The following TNR variants were observed in gnomAD, a reference collection of about 807,000 sequenced individuals.
The protein encoded by TNR is tenascin-R.
A neutral mutation model predicts 150.4 loss-of-function variants in TNR; 45 were observed. The ratio of observed to expected loss-of-function variants is 0.30; its 90% CI spans 0.24 to 0.38. The LOEUF is 0.38. TNR is among the 10% of genes least tolerant of loss of function. The probability of loss-of-function intolerance (pLI) is 1.00; values close to 1 mark genes in which losing one functional copy is unlikely to be tolerated. For synonymous variants in TNR, 687 were observed against 678.4 expected (o/e 1.01, Z -0.20); for missense variants, 1,544 against 1,759.1 (o/e 0.88, Z 2.19).
intron 2 of TNR, among the ~76,000 whole-genome samples, chr1:175,417,987 C>T (rs111294030): frequency 6.6e-6 from 1 of 152,122 alleles, no homozygotes; most frequent in African/African-American, 2.4e-5. Context: ...TCTTTTAGAG[C>T]ATTAAATAGC....
intron 1 of TNR, among the ~76,000 whole-genome samples, chr1:175,543,644 T>C (rs1171389190): frequency 6.6e-6 from 1 of 152,160 alleles, no homozygotes; most frequent in Non-Finnish European, 1.5e-5. Flanking sequence ...ATTTCAAAGA[T>C]GATAATGACT....
chr1:175,333,219 T>C (rs1488428645), intron 20 of TNR: 1 of 152,250 alleles, frequency 6.6e-6, no homozygotes, highest in Non-Finnish European at 1.5e-5. Context: ...ACATGATAAC[T>C]AGCTTTCTAT....
rs541389401 is a variant in TNR, at chr1:175,470,580, A to G, written c.-64+57689T>C. On this transcript the variant is annotated intron_variant, in intron 2 of 22. Coordinates refer to ENST00000367674, the MANE Select transcript of TNR (RefSeq NM_003285.3). ...GCACATGAAATATTTTGACACAGGCATGCAATGTGAAATAAGTTAATCATG... is the reference window on the plus strand; with the variant it reads ...GCACATGAAATATTTTGACACAGGCGTGCAATGTGAAATAAGTTAATCATG... 5.3e-5 allele frequency among the ~76,000 whole-genome samples: 8 copies of G among 152,338 alleles called. 1 individual carries two copies. Among genetic ancestry groups the G allele is most frequent in the African/African-American group, 1.9e-4 (8 of 41,566 alleles).
Position 175,540,648 on chromosome 1 carries a change from T to C in TNR, c.-164-12279A>G, listed in dbSNP as rs190618243. 5.0e-3 allele frequency among the ~76,000 whole-genome samples: 761 copies of C among 152,150 alleles called. 4 individuals are homozygous for C. Among genetic ancestry groups the C allele is most frequent in the African/African-American group, 0.017 (711 of 41,496 alleles). ...AGACACTTGACTTTGGCACTTTTTT[T>C]CCTTTACCATCCTTTCTGCCCCACC... On this transcript the variant is annotated intron_variant, in intron 1 of 22. Coordinates refer to ENST00000367674, the MANE Select transcript of TNR (RefSeq NM_003285.3).
Position 175,482,298 on chromosome 1 carries a change from T to C in TNR, c.-64+45971A>G, listed in dbSNP as rs1166875811. Among the ~76,000 whole-genome samples the C allele has an allele frequency of 2.6e-5, 4 of 152,168 alleles. No individual in the cohort carries two copies. The East Asian group carries it at 7.7e-4, about 29-fold the overall frequency. ...TTTATGTCACATGGATACAGGAAAGTGAAAAAAATGAAAACAGCTCTTCCC... is the reference window on the plus strand; with the variant it reads ...TTTATGTCACATGGATACAGGAAAGCGAAAAAAATGAAAACAGCTCTTCCC... On this transcript the variant is annotated intron_variant, in intron 2 of 22. Coordinates refer to ENST00000367674, the MANE Select transcript of TNR (RefSeq NM_003285.3).
intron 1 of TNR, among the ~76,000 whole-genome samples, chr1:175,542,349 G>A (rs1660535512): frequency 6.6e-6 from 1 of 152,124 alleles, no homozygotes; most frequent in Non-Finnish European, 1.5e-5. Flanking sequence ...ATGCTTGGAG[G>A]CATTTAGCCC....
Position 175,444,037 on chromosome 1 carries a change from G to C in TNR, c.-63-37260C>G, listed in dbSNP as rs185181741. 3.2e-3 allele frequency among the ~76,000 whole-genome samples: 494 copies of C among 152,244 alleles called. 1 individual carries two copies. Among genetic ancestry groups the C allele is most frequent in the Middle Eastern group, 0.01 (3 of 294 alleles). On this transcript the variant is annotated intron_variant, in intron 2 of 22. Coordinates refer to ENST00000367674, the MANE Select transcript of TNR (RefSeq NM_003285.3). ...TAGGCTTCATCTGGCCATGGACTTG[G>C]GGGGTGGTCTGTGTCCATTAAATCT...
At chr1:175,467,692 C>G (rs1258014022) in intron 2 of TNR, among the ~76,000 whole-genome samples, 1 of 152,108 alleles carries the variant, frequency 6.6e-6, no homozygotes, top group East Asian at 1.9e-4. Flanking sequence ...ATACTGATAT[C>G]ACAGGGCACA....
intron 1 of TNR, among the ~76,000 whole-genome samples, chr1:175,602,609 A>G (rs1035107173): frequency 3.3e-5 from 5 of 152,252 alleles, no homozygotes; most frequent in African/African-American, 1.2e-4. Context: ...GAGGAATAAT[A>G]CAAATAATGG....
intron 1 of TNR, among the ~76,000 whole-genome samples, chr1:175,546,560 G>C (rs1056151290): frequency 6.6e-6 from 1 of 152,186 alleles, no homozygotes; most frequent in Non-Finnish European, 1.5e-5. Flanking sequence ...GCTTTTCAGC[G>C]CTCAAAGCTG....
At chr1:175,338,013 A>T (rs1650332838) in intron 18 of TNR, among the ~76,000 whole-genome samples, 1 of 152,232 alleles carries the variant, frequency 6.6e-6, no homozygotes, top group Admixed American at 6.5e-5. Flanking sequence ...TGGGGATAAT[A>T]AAAGTCTCCC....
intron 1 of TNR, among the ~76,000 whole-genome samples, chr1:175,719,794 C>T (rs988064647): frequency 1.3e-5 from 2 of 152,152 alleles, no homozygotes; most frequent in Admixed American, 6.5e-5. Context: ...CCCTTCCCTA[C>T]CCCACTTCTA....
At chr1:175,580,267 G>A (rs2102227809) in intron 1 of TNR, among the ~76,000 whole-genome samples, 1 of 152,322 alleles carries the variant, frequency 6.6e-6, no homozygotes, top group African/African-American at 2.4e-5. Context: ...GGAAAATGAA[G>A]CCTACCTTTT....
At position 175,330,998 on chromosome 1, in the gene TNR, ATTCTTTCTTTCTTTCT is replaced by A. The variant is rs764826338; in HGVS notation, c.3632-779_3632-764del. Among the ~76,000 whole-genome samples, 229 of 72,828 alleles carry A rather than the reference ATTCTTTCTTTCTTTCT, an allele frequency of 3.1e-3. 1 individual carries two copies. The highest frequency in any genetic ancestry group is 6.5e-3 in the South Asian group (12 of 1,842). The allele number at this position is 72,828 out of a possible 152,430, so 47.8% of individuals were successfully genotyped here. ...GGCAGAGTCCAGATCCCTCTTGGTG[ATTCTTTCTTTCTTTCT>A]TTCTTTCTTTCTTTCTTTCTTTCTT... On this transcript the variant is annotated intron_variant, in intron 20 of 22. Transcript: ENST00000367674.
At position 175,323,377 on chromosome 1, in the gene TNR, G is replaced by A. The variant is rs1557862054; in HGVS notation, c.4057C>T (p.Arg1353Trp). Residue 1353 changes from arginine to tryptophan, a missense_variant, in exon 23 of 23, where the codon CGG (arginine) becomes TGG (tryptophan). By Grantham distance (101) the Arg-to-Trp change is moderately radical. This residue lies in a region of TNR where 290 missense variants were observed against 429.7 expected (regional missense o/e 0.67). Transcript: ENST00000367674. ...ACTGCTCAGAACTGTAAGGACTGCC[G>A]TTTTCTCCCTGCCATGAGACGGTGG... ...YNHRLMAGRK[R>W]QSLQF 5.6e-6 allele frequency: 9 copies of A among 1,614,124 alleles called. No individual in the cohort carries two copies. The highest frequency in any genetic ancestry group is 1.6e-4 in the Middle Eastern group (1 of 6,062).
At chr1:175,710,722 C>A (rs1184381892) in intron 1 of TNR, among the ~76,000 whole-genome samples, 2 of 152,170 alleles carry the variant, frequency 1.3e-5, no homozygotes, top group Non-Finnish European at 2.9e-5. Context: ...ATGACTGCAA[C>A]AGTCTGGTCT....
intron 12 of TNR, 33 bp from the exon 13 acceptor site, chr1:175,363,860 A>T: frequency 6.3e-7 from 1 of 1,590,552 alleles, no homozygotes; most frequent in Non-Finnish European, 8.6e-7. Context: ...GGAAAAAGAC[A>T]GAAAGCACAG....
rs754333098 is a variant in TNR at position 175,417,075 on chromosome 1, G to GAAAGAAAGAAAGAAAGAAAT, written c.-63-10299_-63-10298insATTTCTTTCTTTCTTTCTTT. Among the ~76,000 whole-genome samples the GAAAGAAAGAAAGAAAGAAAT allele has an allele frequency of 3.5e-3, 484 of 138,052 alleles. 4 individuals carry two copies. The highest frequency in any genetic ancestry group is 0.01 in the East Asian group (45 of 4,288). The allele number at this position is 138,052 out of a possible 152,430, so 90.6% of individuals were successfully genotyped here. On this transcript the variant is annotated intron_variant, in intron 2 of 22. Transcript: ENST00000367674. ...AGAAAGAAAGAAAGAAAGAAAGAAA[G>GAAAGAAAGAAAGAAAGAAAT]AAATCTAAGAAGTGGTCTCTTCCCT... is the stretch of plus-strand genomic sequence containing the variant.
intron 2 of TNR, among the ~76,000 whole-genome samples, chr1:175,421,118 G>A (rs1290695713): frequency 3.3e-5 from 5 of 152,136 alleles, no homozygotes; most frequent in Admixed American, 2.6e-4. Flanking sequence ...AAGCAGCAGA[G>A]CTGGACATGG....
Sources: allele counts gnomAD v4.1 joint callset (sites outside exome capture counted in the v4.1 genomes callset), GRCh38; gene constraint gnomAD v4.1.1; regional missense constraint gnomAD v4.1.1; transcripts MANE v1.5; gene names NCBI Gene and HGNC (gene_info 2026-07-23, HGNC 2026-07-21).